Variants in CBFA2T3 observed in about 807,000 individuals in gnomAD.
CBFA2T3 encodes the protein CBFA2/RUNX1 partner transcriptional co-repressor 3, also known as transcriptional corepressor CBFA2T3.
A neutral mutation model predicts 58.6 loss-of-function variants in CBFA2T3; 31 were observed. The ratio of observed to expected loss-of-function variants is 0.53; its 90% CI spans 0.40 to 0.71. The LOEUF is 0.71. Ranked by LOEUF, CBFA2T3 falls within the 30% of genes least tolerant of loss-of-function variation. CBFA2T3 has a pLI of 0.00. For synonymous variants in CBFA2T3, 531 were observed against 421.9 expected (o/e 1.26, Z -3.17); for missense variants, 1,076 against 963.1 (o/e 1.12, Z -1.55).
At chr16:88,922,302 C>T (rs1014341031) in intron 1 of CBFA2T3, among the ~76,000 whole-genome samples, 6 of 152,232 alleles carry the variant, frequency 3.9e-5, no homozygotes, top group Non-Finnish European at 7.3e-5. Flanking sequence ...CTCTCAGAGC[C>T]GGTCTAGCCA....
intron 3 of CBFA2T3, among the ~76,000 whole-genome samples, chr16:88,894,547 T>TACACACATGCAC (rs1172655118): frequency 8.2e-5 from 11 of 134,672 alleles, no homozygotes; most frequent in South Asian, 2.3e-4. Flanking sequence ...GCACACAATG[T>TACACACATGCAC]ACACACATGC....
At chr16:88,960,146 G>C (rs1972322895) in intron 1 of CBFA2T3, among the ~76,000 whole-genome samples, 2 of 152,202 alleles carry the variant, frequency 1.3e-5, no homozygotes. Flanking sequence ...CAAAGTCCTT[G>C]ATTCCCAGGT....
At chr16:88,975,984 C>G (rs1437112087) in intron 1 of CBFA2T3, among the ~76,000 whole-genome samples, 3 of 152,234 alleles carry the variant, frequency 2.0e-5, no homozygotes, top group Non-Finnish European at 4.4e-5. Context: ...ATCGGGGCCA[C>G]CAGCCTGCAG....
At chr16:88,878,816 G>C (rs116091846) in intron 11 of CBFA2T3, among the ~76,000 whole-genome samples, 1,663 of 152,282 alleles carry the variant, frequency 0.011, 35 homozygotes, top group African/African-American at 0.038. Context: ...TGTGGTGGCG[G>C]GCGCCTGTAA....
intron 2 of CBFA2T3, among the ~76,000 whole-genome samples, chr16:88,899,512 T>G (rs1157829829): frequency 2.6e-5 from 4 of 152,096 alleles, no homozygotes; most frequent in Non-Finnish European, 5.9e-5. Context: ...CAAGGCGGGC[T>G]GGGAGTGGAG....
chr16:88,927,254 C>T (rs959748897), intron 1 of CBFA2T3, among the ~76,000 whole-genome samples: 5 of 152,190 alleles, frequency 3.3e-5, no homozygotes, highest in Non-Finnish European at 2.9e-5. Flanking sequence ...GCCAGGTCGA[C>T]GTGACAAGCC....
intron 1 of CBFA2T3, among the ~76,000 whole-genome samples, chr16:88,909,002 A>G (rs1659679531): frequency 6.6e-6 from 1 of 151,956 alleles, no homozygotes; most frequent in African/African-American, 2.4e-5. Flanking sequence ...GGTTTGGAAT[A>G]TGCTCCCGGG....
At chr16:88,967,118 C>G (rs1004988701) in intron 1 of CBFA2T3, among the ~76,000 whole-genome samples, 4 of 89,452 alleles carry the variant, frequency 4.5e-5, no homozygotes, top group Admixed American at 1.4e-4. Flanking sequence ...CAACCCCCAA[C>G]CCCCGAGGTG....
chr16:88,929,696 G>C (rs1355569148), intron 1 of CBFA2T3, among the ~76,000 whole-genome samples: 2 of 137,476 alleles, frequency 1.5e-5, no homozygotes, highest in African/African-American at 5.7e-5. Flanking sequence ...ACAGCTGCGT[G>C]GTCCACGCAA....
intron 1 of CBFA2T3, among the ~76,000 whole-genome samples, chr16:88,943,311 C>A (rs568251335): frequency 1.3e-5 from 2 of 152,220 alleles, no homozygotes; most frequent in Non-Finnish European, 2.9e-5. Flanking sequence ...ACCAGCGGCA[C>A]GTCCGTGGTC....
chr16:88,966,984 T>C (rs191172809), intron 1 of CBFA2T3, among the ~76,000 whole-genome samples: 3 of 152,308 alleles, frequency 2.0e-5, no homozygotes, highest in East Asian at 1.9e-4. Flanking sequence ...GGAGAAACCA[T>C]GTGGGCCCCA....
chr16:88,891,567 G>C lies in CBFA2T3; in HGVS notation c.711+315C>G, dbSNP rs566206095. Among the ~76,000 whole-genome samples the C allele has an allele frequency of 5.3e-5, 8 of 152,270 alleles. No individual in the cohort carries two copies. In the South Asian group the frequency reaches 1.7e-3, roughly 32 times the overall value. ...ACCCGTGGAGTGAGCGAGCACATTC[G>C]GCCAACGGCAACCAGAGGCGAACCG... On this transcript the variant is annotated intron_variant, in intron 5 of 11. Coordinates refer to ENST00000268679, the MANE Select transcript of CBFA2T3 (RefSeq NM_005187.6).
intron 4 of CBFA2T3, 71 bp from the exon 5 acceptor site, chr16:88,892,042 T>C: frequency 1.4e-6 from 2 of 1,428,076 alleles, no homozygotes; most frequent in Non-Finnish European, 2.0e-6. Flanking sequence ...CACCCATGCC[T>C]GAGGAGGAGG....
intron 1 of CBFA2T3, among the ~76,000 whole-genome samples, chr16:88,947,910 T>C (rs2142830576): frequency 6.6e-6 from 1 of 152,266 alleles, no homozygotes; most frequent in Admixed American, 6.5e-5. Flanking sequence ...CGAGACCCTG[T>C]CTCAAAAATA....
At chr16:88,921,075 T>TC (rs1567609115) in intron 1 of CBFA2T3, among the ~76,000 whole-genome samples, 1 of 152,172 alleles carries the variant, frequency 6.6e-6, no homozygotes, top group Non-Finnish European at 1.5e-5. Context: ...CCCTGGGCCT[T>TC]CCCCCAGGCA....
rs914444044 is a variant in CBFA2T3 at position 88,930,366 on chromosome 16, G to A, written c.152-28710C>T. Among the ~76,000 whole-genome samples, 752 of 119,478 alleles carry A rather than the reference G, an allele frequency of 6.3e-3. 72 individuals carry two copies. Among genetic ancestry groups the A allele is most frequent in the African/African-American group, 0.026 (689 of 26,042 alleles). The allele number at this position is 119,478 out of a possible 152,430, so 78.4% of individuals were successfully genotyped here. A position where few individuals can be genotyped will look rare whatever the true frequency, so the allele number is the denominator to read the frequency against. ...CATCGTCCACGCAAAAGCTACCCAT[G>A]CCCACAGCTGCATCGTCCACGCAAA... is the stretch of plus-strand genomic sequence containing the variant. On this transcript the variant is annotated intron_variant, in intron 1 of 11. Coordinates refer to ENST00000268679, the MANE Select transcript of CBFA2T3 (RefSeq NM_005187.6).
intron 1 of CBFA2T3, among the ~76,000 whole-genome samples, chr16:88,974,979 C>G (rs1972762722): frequency 6.6e-6 from 1 of 152,154 alleles, no homozygotes; most frequent in African/African-American, 2.4e-5. Flanking sequence ...CGGGTGGTTG[C>G]ACGGACAGAA....
intron 5 of CBFA2T3, among the ~76,000 whole-genome samples, chr16:88,888,640 A>G (rs1280595821): frequency 3.8e-5 from 3 of 78,384 alleles, no homozygotes; most frequent in African/African-American, 1.4e-4. Flanking sequence ...TGGGTGGGAC[A>G]GTGACAGTAG....
At chr16:88,962,855 C>T (rs755603253) in intron 1 of CBFA2T3, among the ~76,000 whole-genome samples, 22 of 152,330 alleles carry the variant, frequency 1.4e-4, no homozygotes, top group Non-Finnish European at 2.8e-4. Context: ...TTCTGAGCAC[C>T]GACATGAATT....
Sources: allele counts gnomAD v4.1 joint callset (sites outside exome capture counted in the v4.1 genomes callset), GRCh38; gene constraint gnomAD v4.1.1; transcripts MANE v1.5; gene names NCBI Gene and HGNC (gene_info 2026-07-23, HGNC 2026-07-21).